Variants in CDH4 observed in about 807,000 individuals in gnomAD.
The protein encoded by CDH4 is cadherin 4.
In CDH4, 33 loss-of-function variants were observed where a neutral mutation model predicts 86.0. The observed-to-expected ratio is 0.38, with a 90% CI of 0.29 to 0.51. The LOEUF is 0.51. CDH4 is among the 20% of genes least tolerant of loss of function. The probability of loss-of-function intolerance (pLI) is 0.86; values close to 1 mark genes in which losing one functional copy is unlikely to be tolerated. For missense variants in CDH4, 1,114 were observed against 1,307.4 expected, an observed-to-expected ratio of 0.85 and a Z score of 2.28; for synonymous variants, 555 against 549.4, an observed-to-expected ratio of 1.01 and a Z score of -0.14.
In CDH4 at chr20:61,929,596, T is replaced by A. The variant is rs751731065; in HGVS notation, c.2006-13T>A. The A allele has an allele frequency of 3.1e-6, 5 of 1,604,388 alleles. No homozygotes were observed. Among genetic ancestry groups the A allele is most frequent in the Non-Finnish European group, 1.7e-6 (2 of 1,171,614 alleles). On this transcript the variant is annotated splice_polypyrimidine_tract_variant and intron_variant, in intron 12 of 15. Coordinates refer to ENST00000614565, the MANE Select transcript of CDH4 (RefSeq NM_001794.5). ...CGGGCTCTGGTTGAATGTTTACTGTTGCTTTGCACCAGGTGACTATGCCCA... is the reference window on the plus strand; with the variant it reads ...CGGGCTCTGGTTGAATGTTTACTGTAGCTTTGCACCAGGTGACTATGCCCA...
chr20:61,496,236 C>CA (rs896819365), intron 2 of CDH4, among the ~76,000 whole-genome samples: 7 of 149,972 alleles, frequency 4.7e-5, no homozygotes, highest in South Asian at 2.1e-4. Flanking sequence ...CCTGTCTGTA[C>CA]AAAAAAAAAT....
At chr20:61,398,235 A>C (rs1226017866) in intron 2 of CDH4, among the ~76,000 whole-genome samples, 1 of 152,232 alleles carries the variant, frequency 6.6e-6, no homozygotes, top group Non-Finnish European at 1.5e-5. Context: ...ATTCTGCATT[A>C]TGGTAGATTT....
In CDH4 at chr20:61,544,387, C is replaced by T. The variant is rs2086062190; in HGVS notation, c.170-199176C>T. ...GGCCGAGAAACCCGACGTAGAAATC[C>T]AGCTTGCCCAGGAGAGAGGGGTGGG... On this transcript the variant is annotated intron_variant, in intron 2 of 15. Coordinates refer to ENST00000614565, the MANE Select transcript of CDH4 (RefSeq NM_001794.5). This position sits in a 1 kb window ranked among gnomAD's most constrained non-coding sequence, Gnocchi z 6.5. Among the ~76,000 whole-genome samples, 1 of 151,944 alleles carries T rather than the reference C, an allele frequency of 6.6e-6. No individual in the cohort carries two copies. Among genetic ancestry groups the T allele is most frequent in the Non-Finnish European group, 1.5e-5 (1 of 67,968 alleles).
intron 2 of CDH4, among the ~76,000 whole-genome samples, chr20:61,267,977 G>C (rs1321312556): frequency 6.6e-6 from 1 of 152,262 alleles, no homozygotes; most frequent in African/African-American, 2.4e-5. Context: ...CTTCAGGGCA[G>C]ATCCGTGTCC....
At chr20:61,540,881 G>C (rs1036050342) in intron 2 of CDH4, among the ~76,000 whole-genome samples, 4 of 151,904 alleles carry the variant, frequency 2.6e-5, no homozygotes, top group African/African-American at 9.7e-5. Flanking sequence ...CTCCAATAAG[G>C]CAGGAAGCAA....
chr20:61,656,659 C>T (rs1249020791), intron 2 of CDH4, among the ~76,000 whole-genome samples: 2 of 152,182 alleles, frequency 1.3e-5, no homozygotes, highest in Non-Finnish European at 2.9e-5. Flanking sequence ...AGATGTGCTT[C>T]CCTGTGTCTG....
chr20:61,809,970 T>C (rs541293979), intron 4 of CDH4, among the ~76,000 whole-genome samples: 1 of 152,188 alleles, frequency 6.6e-6, no homozygotes, highest in Non-Finnish European at 1.5e-5. Flanking sequence ...ATGGTCTGGC[T>C]GCCCTGTAGA....
chr20:61,670,428 A>G (rs774262359), intron 2 of CDH4, among the ~76,000 whole-genome samples: 2 of 152,210 alleles, frequency 1.3e-5, no homozygotes, highest in Non-Finnish European at 2.9e-5. Context: ...GGTCTAGGCC[A>G]TGGCCTCTGT....
rs953614284 is a variant in CDH4 at position 61,663,369 on chromosome 20, C to T, written c.170-80194C>T. On this transcript the variant is annotated intron_variant, in intron 2 of 15. Coordinates refer to ENST00000614565, the MANE Select transcript of CDH4 (RefSeq NM_001794.5). The surrounding 1 kb of genome is among the most constrained non-coding windows in gnomAD (Gnocchi z 5.0). ...TGGGGCAGGGGCTGCTGCGGACAAG[C>T]GTTGGGAGGCCTCTCTGAGGAGGCA... 6.6e-6 allele frequency among the ~76,000 whole-genome samples: 1 copy of T among 152,162 alleles called. No homozygotes were observed. Among genetic ancestry groups the T allele is most frequent in the Non-Finnish European group, 1.5e-5 (1 of 68,030 alleles).
intron 2 of CDH4, among the ~76,000 whole-genome samples, chr20:61,537,060 C>T (rs1021404335): frequency 1.3e-5 from 2 of 152,196 alleles, no homozygotes; most frequent in Non-Finnish European, 2.9e-5. Flanking sequence ...CTCAGTGTCC[C>T]CTCCCTGCAG....
At chr20:61,597,483 C>T (rs1292813958) in intron 2 of CDH4, among the ~76,000 whole-genome samples, 1 of 152,236 alleles carries the variant, frequency 6.6e-6, no homozygotes, top group Non-Finnish European at 1.5e-5. Flanking sequence ...TACAGATTCC[C>T]CAATACCCCA....
At chr20:61,826,437 A>G (rs1446866659) in intron 4 of CDH4, among the ~76,000 whole-genome samples, 2 of 152,194 alleles carry the variant, frequency 1.3e-5, no homozygotes, top group Non-Finnish European at 2.9e-5. Context: ...CTCCAGGGCC[A>G]CCCTGTCAGA....
intron 15 of CDH4, among the ~76,000 whole-genome samples, chr20:61,936,427 C>G (rs1168969771): frequency 1.6e-5 from 1 of 60,670 alleles, no homozygotes; most frequent in African/African-American, 7.1e-5. Context: ...CACCCCCCCC[C>G]CCATCTGCCC....
At chr20:61,615,587 G>T (rs1009791340) in intron 2 of CDH4, among the ~76,000 whole-genome samples, 1 of 152,180 alleles carries the variant, frequency 6.6e-6, no homozygotes, top group Non-Finnish European at 1.5e-5. Context: ...GAAACTTCCT[G>T]CCTGTGACTC....
At chr20:61,843,558 GT>G (rs1052817055) in intron 4 of CDH4, among the ~76,000 whole-genome samples, 4 of 151,626 alleles carry the variant, frequency 2.6e-5, no homozygotes, top group African/African-American at 9.7e-5. Context: ...GCCAGGCGTG[GT>G]TGCCAGCACC....
At chr20:61,639,977 G>A (rs2086988261) in intron 2 of CDH4, among the ~76,000 whole-genome samples, 2 of 152,150 alleles carry the variant, frequency 1.3e-5, no homozygotes, top group Non-Finnish European at 2.9e-5. Context: ...CAGTTTTGAA[G>A]TAATTACTGT....
At chr20:61,567,588 T>A (rs2086309435) in intron 2 of CDH4, among the ~76,000 whole-genome samples, 1 of 152,138 alleles carries the variant, frequency 6.6e-6, no homozygotes, top group Admixed American at 6.5e-5. Flanking sequence ...AAATTCGAAA[T>A]TTGGGGGCAC....
Position 61,777,828 on chromosome 20 carries a change from G to A in CDH4, c.576+4646G>A, listed in dbSNP as rs551740181. On this transcript the variant is annotated intron_variant, in intron 4 of 15. Coordinates refer to ENST00000614565, the MANE Select transcript of CDH4 (RefSeq NM_001794.5). Reference sequence around the variant, plus strand: ...CATACAAAAACACACATCCACATGCGCACGCACTTGCATACAAAAACACAT... The same window carrying A: ...CATACAAAAACACACATCCACATGCACACGCACTTGCATACAAAAACACAT... Among the ~76,000 whole-genome samples, 26 of 141,846 alleles carry A rather than the reference G, an allele frequency of 1.8e-4. 4 individuals are homozygous for A. The highest frequency in any genetic ancestry group is 6.1e-4 in the East Asian group (3 of 4,924). The allele number at this position is 141,846 out of a possible 152,430, so 93.1% of individuals were successfully genotyped here. A position where few individuals can be genotyped will look rare whatever the true frequency, so the allele number is the denominator to read the frequency against.
At chr20:61,815,933 A>G (rs1273805709) in intron 4 of CDH4, among the ~76,000 whole-genome samples, 1 of 152,094 alleles carries the variant, frequency 6.6e-6, no homozygotes, top group African/African-American at 2.4e-5. Context: ...TAAAGCTTCC[A>G]CTTCTCTCAA....
Sources: allele counts gnomAD v4.1 joint callset (sites outside exome capture counted in the v4.1 genomes callset), GRCh38; gene constraint gnomAD v4.1.1; non-coding constraint Gnocchi (gnomAD v3.1); transcripts MANE v1.5; gene names NCBI Gene and HGNC (gene_info 2026-07-23, HGNC 2026-07-21).